Variants in UNC5D observed in about 807,000 individuals in gnomAD.
UNC5D encodes the protein unc-5 netrin receptor D, also known as netrin receptor UNC5D.
Under a neutral mutation model 105.4 loss-of-function variants are expected in UNC5D, and 39 were observed. The ratio of observed to expected loss-of-function variants is 0.37; its 90% CI spans 0.29 to 0.48. The LOEUF is 0.48. UNC5D is among the 20% of genes least tolerant of loss of function. UNC5D has a pLI of 0.98. For synonymous variants in UNC5D, 452 were observed against 450.4 expected, an observed-to-expected ratio of 1.00 and a Z score of -0.04; for missense variants, 991 against 1,202.4, an observed-to-expected ratio of 0.82 and a Z score of 2.60.
intron 1 of UNC5D, among the ~76,000 whole-genome samples, chr8:35,306,744 T>C (rs1262623050): frequency 6.6e-6 from 1 of 152,134 alleles, no homozygotes. Context: ...AAGATGTTCA[T>C]ATGGAGTATC....
intron 4 of UNC5D, among the ~76,000 whole-genome samples, chr8:35,610,437 G>A (rs74878825): frequency 4.6e-5 from 7 of 152,076 alleles, no homozygotes; most frequent in Non-Finnish European, 1.0e-4. Flanking sequence ...TATATATTCT[G>A]TTCCTCTTTA....
At chr8:35,308,932 G>A (rs1183576119) in intron 1 of UNC5D, among the ~76,000 whole-genome samples, 2 of 152,116 alleles carry the variant, frequency 1.3e-5, no homozygotes, top group Non-Finnish European at 2.9e-5. Flanking sequence ...ATGAAACTTA[G>A]AGGACATGAA....
intron 16 of UNC5D, among the ~76,000 whole-genome samples, chr8:35,788,689 A>AAC (rs112188484): frequency 0.035 from 5,304 of 151,256 alleles, 228 homozygotes; most frequent in African/African-American, 0.096. Context: ...GAAGGCAGAA[A>AAC]ACACACACAC....
intron 4 of UNC5D, among the ~76,000 whole-genome samples, chr8:35,649,427 G>T (rs1360752878): frequency 6.6e-6 from 1 of 152,202 alleles, no homozygotes; most frequent in Non-Finnish European, 1.5e-5. Flanking sequence ...ACTGGATGAA[G>T]AGTATGTTCA....
At chr8:35,728,071 T>TA (rs71215643) in intron 10 of UNC5D, among the ~76,000 whole-genome samples, 14,036 of 40,978 alleles carry the variant, frequency 0.34, 3,425 homozygotes, top group Non-Finnish European at 0.45. Context: ...TTGCTGTCTC[T>TA]AAAAAAAAAA....
chr8:35,719,950 G>T (rs1290277746), intron 8 of UNC5D, among the ~76,000 whole-genome samples: 1 of 152,044 alleles, frequency 6.6e-6, no homozygotes, highest in Non-Finnish European at 1.5e-5. Flanking sequence ...AAGTCAAATG[G>T]ATTCTACAGA....
chr8:35,271,627 A>G (rs1372264441), intron 1 of UNC5D, among the ~76,000 whole-genome samples: 1 of 140,484 alleles, frequency 7.1e-6, no homozygotes, highest in Non-Finnish European at 1.6e-5. Context: ...ATTACATGTA[A>G]CATATATTAT....
chr8:35,319,167 CT>C (rs1351678644), intron 1 of UNC5D, among the ~76,000 whole-genome samples: 2 of 152,070 alleles, frequency 1.3e-5, no homozygotes, highest in Non-Finnish European at 2.9e-5. Context: ...GATTTTCCCC[CT>C]TTGTATGAGT....
intron 4 of UNC5D, among the ~76,000 whole-genome samples, chr8:35,629,388 G>T (rs943769268): frequency 2.3e-4 from 35 of 151,218 alleles, no homozygotes; most frequent in African/African-American, 6.8e-4. Flanking sequence ...TTTTTAATGG[G>T]TTTTTTTTTC....
intron 1 of UNC5D, among the ~76,000 whole-genome samples, chr8:35,291,335 A>G (rs547760778): frequency 2.0e-5 from 3 of 152,230 alleles, no homozygotes; most frequent in African/African-American, 7.2e-5. Flanking sequence ...AGTAAAAAAC[A>G]ATAAAAAGAG....
chr8:35,340,272 G>A (rs185665767), intron 1 of UNC5D, among the ~76,000 whole-genome samples: 13 of 152,210 alleles, frequency 8.5e-5, no homozygotes, highest in African/African-American at 3.1e-4. Flanking sequence ...AGGAATACAC[G>A]ACTGTAAACA....
chr8:35,477,314 GA>G (rs1810173917), intron 1 of UNC5D, among the ~76,000 whole-genome samples: 1 of 151,676 alleles, frequency 6.6e-6, no homozygotes, highest in Non-Finnish European at 1.5e-5. Context: ...CCATAAGGCT[GA>G]GACTCATAGT....
intron 1 of UNC5D, among the ~76,000 whole-genome samples, chr8:35,287,965 T>C (rs556745654): frequency 8.5e-4 from 130 of 152,192 alleles, no homozygotes; most frequent in African/African-American, 3.0e-3. Flanking sequence ...ATGAAAATTA[T>C]AGAACACCAG....
At chr8:35,302,488 T>C (rs1463535008) in intron 1 of UNC5D, among the ~76,000 whole-genome samples, 1 of 152,242 alleles carries the variant, frequency 6.6e-6, no homozygotes, top group East Asian at 1.9e-4. Context: ...TTTAGAAAGC[T>C]GTTTTAGAGA....
intron 1 of UNC5D, among the ~76,000 whole-genome samples, chr8:35,259,544 C>G (rs1804302907): frequency 6.6e-6 from 1 of 152,142 alleles, no homozygotes; most frequent in African/African-American, 2.4e-5. Context: ...TAACTACTCC[C>G]CATCACGTTG....
rs1027641300 is a variant in UNC5D at position 35,794,004 on chromosome 8, T to G, written c.*3441T>G. On this transcript the variant is annotated 3_prime_UTR_variant, in exon 17 of 17. Transcript: ENST00000404895. Reference sequence around the variant, plus strand: ...CTTTGGATTAAAAGTTCTGGATTTATTGCAACTATTTTCCTTGAGAAACAT... The same window carrying G: ...CTTTGGATTAAAAGTTCTGGATTTAGTGCAACTATTTTCCTTGAGAAACAT... 2 of 152,184 alleles carry G rather than the reference T, an allele frequency of 1.3e-5. No individual in the cohort carries two copies. Among genetic ancestry groups the G allele is most frequent in the Non-Finnish European group, 2.9e-5 (2 of 68,030 alleles). The allele number at this position is 152,184 out of a possible 1,614,324, so 9.4% of individuals were successfully genotyped here.
chr8:35,333,382 A>G (rs1003357345), intron 1 of UNC5D, among the ~76,000 whole-genome samples: 1 of 152,166 alleles, frequency 6.6e-6, no homozygotes, highest in Non-Finnish European at 1.5e-5. Context: ...TTAATTAGAT[A>G]GGCCCCTTCC....
intron 1 of UNC5D, among the ~76,000 whole-genome samples, chr8:35,249,601 T>TAATAATAATAATAAA (rs1176666606): frequency 7.9e-6 from 1 of 126,886 alleles, no homozygotes; most frequent in African/African-American, 2.9e-5. Context: ...ATAATAATAA[T>TAATAATAATAATAAA]AAAATAAATA....
chr8:35,341,801 C>G (rs1015081354), intron 1 of UNC5D, among the ~76,000 whole-genome samples: 10 of 152,042 alleles, frequency 6.6e-5, no homozygotes, highest in Non-Finnish European at 1.5e-5. Flanking sequence ...ATGAGATGAT[C>G]ATAGTTAATT....
Sources: allele counts gnomAD v4.1 joint callset (sites outside exome capture counted in the v4.1 genomes callset), GRCh38; gene constraint gnomAD v4.1.1; transcripts MANE v1.5; gene names NCBI Gene and HGNC (gene_info 2026-07-23, HGNC 2026-07-21).